Variants in TOR1A observed in about 807,000 individuals in gnomAD.
TOR1A encodes the protein torsin family 1 member A, also known as torsin-1A.
In TOR1A, 18 loss-of-function variants were observed where a neutral mutation model predicts 31.4. The ratio of observed to expected loss-of-function variants is 0.57; its 90% CI spans 0.40 to 0.85. TOR1A has a LOEUF of 0.85. Ranked by LOEUF, TOR1A falls within the 40% of genes least tolerant of loss-of-function variation. TOR1A has a pLI of 0.00. For synonymous variants in TOR1A, 168 were observed against 165.9 expected, an observed-to-expected ratio of 1.01 and a Z score of -0.10; for missense variants, 375 against 416.4, an observed-to-expected ratio of 0.90 and a Z score of 0.87.
At chr9:129,815,111 G>A (rs1192171959) in intron 4 of TOR1A, among the ~76,000 whole-genome samples, 1 of 152,216 alleles carries the variant, frequency 6.6e-6, no homozygotes, top group Non-Finnish European at 1.5e-5. Flanking sequence ...GAGCCCATGC[G>A]TGTCTTCTAC....
chr9:129,823,072 C>T (rs1188378111), intron 1 of TOR1A, among the ~76,000 whole-genome samples: 2 of 152,138 alleles, frequency 1.3e-5, no homozygotes, highest in African/African-American at 2.4e-5. Context: ...GACTCCTTCC[C>T]GAAAAGCCCC....
intron 1 of TOR1A, 32 bp from the exon 2 acceptor site, chr9:129,822,878 A>C: frequency 6.2e-7 from 1 of 1,614,054 alleles, no homozygotes; most frequent in Non-Finnish European, 8.5e-7. Context: ...AGGAGTGGGG[A>C]AGAAACAGCG....
intron 4 of TOR1A, among the ~76,000 whole-genome samples, chr9:129,816,408 G>A (rs1291788090): frequency 6.6e-6 from 1 of 152,164 alleles, no homozygotes; most frequent in Non-Finnish European, 1.5e-5. Context: ...CATGTGCGAT[G>A]TGTGCATATG....
rs766573208 is a variant in TOR1A, at chr9:129,822,660, C to T, written c.365G>A (p.Gly122Asp). The T allele has an allele frequency of 9.3e-6, 15 of 1,614,096 alleles. No individual in the cohort carries two copies. Among genetic ancestry groups the T allele is most frequent in the Non-Finnish European group, 1.3e-5 (15 of 1,180,046 alleles). The change falls in exon 2 of 5, where the codon GGT becomes GAT. Residue 122 changes from glycine to aspartate, a missense_variant. Gly to Asp is a moderately conservative substitution (Grantham distance 94). Transcript: ENST00000351698. Reference sequence around the variant, plus strand: ...GTGGACATAGTCACTGTTCAGACCACCCTCGTAAATATTCTCTGCGATGAT... The same window carrying T: ...GTGGACATAGTCACTGTTCAGACCATCCTCGTAAATATTCTCTGCGATGAT... The part of the protein sequence containing the change: ...SKIIAENIYE[G>D]GLNSDYVHLF...
intron 2 of TOR1A, among the ~76,000 whole-genome samples, chr9:129,820,047 G>A (rs1177560180): frequency 6.6e-6 from 1 of 152,044 alleles, no homozygotes; most frequent in Non-Finnish European, 1.5e-5. Flanking sequence ...TCTCACTCTG[G>A]TGACCAAACT....
Position 129,813,511 on chromosome 9 carries a change from A to C in TOR1A, c.*461T>G. The C allele has an allele frequency of 3.7e-6, 1 of 269,770 alleles. No individual in the cohort carries two copies. Among genetic ancestry groups the C allele is most frequent in the Non-Finnish European group, 7.2e-6 (1 of 138,448 alleles). The allele number at this position is 269,770 out of a possible 1,614,324, so 16.7% of individuals were successfully genotyped here. A position where few individuals can be genotyped will look rare whatever the true frequency, so the allele number is the denominator to read the frequency against. ...TGTGTGCTTGGGCTCATTTCCAGTA[A>C]AGATACATCACAGTCTATGTAATAA... is the stretch of plus-strand genomic sequence containing the variant. On this transcript the variant is annotated 3_prime_UTR_variant, in exon 5 of 5. Transcript: ENST00000351698.
rs769215500 is a variant in TOR1A, at chr9:129,822,073, C to T, written c.444+508G>A. ...CTGAGATCAGGAGTTCGAGACCAGC[C>T]TGGCCAAGTTGGCAAAACCCCATCT... On this transcript the variant is annotated intron_variant, in intron 2 of 4. Coordinates refer to ENST00000351698, the MANE Select transcript of TOR1A (RefSeq NM_000113.3). 5 of 227,216 alleles carry T rather than the reference C, an allele frequency of 2.2e-5. No homozygotes were observed. The East Asian group carries it at 6.0e-4, about 27-fold the overall frequency. 14.1% of individuals were successfully genotyped at this position (227,216 alleles called of 1,614,324 possible). A position where few individuals can be genotyped will look rare whatever the true frequency, so the allele number is the denominator to read the frequency against.
intron 4 of TOR1A, among the ~76,000 whole-genome samples, chr9:129,816,743 C>T (rs1383907913): frequency 6.6e-6 from 1 of 152,200 alleles, no homozygotes; most frequent in Non-Finnish European, 1.5e-5. Flanking sequence ...GCTCATCTGC[C>T]TCAGCATTAG....
chr9:129,823,960 G>C lies in TOR1A; in HGVS notation c.126C>G (p.Leu42=), dbSNP rs758157379. The change falls in exon 1 of 5, where the codon CTC becomes CTG. Residue 42 remains leucine (L), a synonymous_variant. Transcript: ENST00000351698. ...GVLTGYIYPR[L]YCLFAECCGQ... is the part of the protein sequence containing the mutation. The stretch of plus-strand genomic sequence containing the variant: ...CGCAGCACTCGGCGAAGAGGCAGTA[G>C]AGACGCGGGTAGATGTAGCCGGTGA... 6.2e-7 allele frequency: 1 copy of C among 1,611,290 alleles called. No homozygotes were observed.
chr9:129,823,598 C>A (rs1306392294), intron 1 of TOR1A: 2 of 434,942 alleles, frequency 4.6e-6, no homozygotes, highest in Non-Finnish European at 4.2e-6. Context: ...AGCCTCCATC[C>A]ACCATCCTCA....
At chr9:129,818,444 G>GTGAT in intron 4 of TOR1A, 76 bp downstream of exon 4, 9 of 1,600,998 alleles carry the variant, frequency 5.6e-6, no homozygotes, top group African/African-American at 1.3e-5. Flanking sequence ...GATGCTGACA[G>GTGAT]TGACCCTGAT....
intron 1 of TOR1A, 106 bp downstream of exon 1, chr9:129,823,802 C>T: frequency 7.6e-7 from 1 of 1,317,140 alleles, no homozygotes. Context: ...TGGTGCCATC[C>T]CCCGGCCTCC....
chr9:129,816,184 C>A (rs1230678104), intron 4 of TOR1A, among the ~76,000 whole-genome samples: 1 of 152,198 alleles, frequency 6.6e-6, no homozygotes, highest in South Asian at 2.1e-4. Flanking sequence ...CCCCTCGGGC[C>A]CCTGGACGTG....
rs2030972972 is a variant in TOR1A at position 129,814,191 on chromosome 9, C to G, written c.780G>C (p.Arg260=). 8 of 1,614,102 alleles carry G rather than the reference C, an allele frequency of 5.0e-6. No homozygotes were observed. Among genetic ancestry groups the G allele is most frequent in the Non-Finnish European group, 6.8e-6 (8 of 1,180,024 alleles). ...AGGGAACAAAATAATCAATGAGGTT[C>G]CGGTCAATTAAGCTGCTGTGCCAGA... ...SGFWHSSLID[R]NLIDYFVPFL... The change falls in exon 5 of 5, where the codon CGG becomes CGC. Residue 260 remains arginine (R), a synonymous_variant. Transcript: ENST00000351698.
At position 129,813,892 on chromosome 9, in the gene TOR1A, C is replaced by CT; in HGVS notation, c.*79dup. Reference sequence around the variant, plus strand: ...TGGATTCCTCTTCCAGGGAAAGGAGCTGGGGGTGGAAGTGTGGAAGGACTG... The same window carrying CT: ...TGGATTCCTCTTCCAGGGAAAGGAGCTTGGGGGTGGAAGTGTGGAAGGACTG... On this transcript the variant is annotated 3_prime_UTR_variant, in exon 5 of 5. Transcript: ENST00000351698. 6.4e-7 allele frequency: 1 copy of CT among 1,562,166 alleles called. No homozygotes were observed. The highest frequency in any genetic ancestry group is 1.1e-5 in the South Asian group (1 of 90,066).
chr9:129,818,432 G>GTGA (rs2031094680), intron 4 of TOR1A, 88 bp downstream of exon 4: 1 of 1,591,214 alleles, frequency 6.3e-7, no homozygotes, highest in Non-Finnish European at 8.6e-7. Flanking sequence ...CAGCTCCCAG[G>GTGA]TGATGCTGAC....
At chr9:129,816,348 T>C (rs1024917285) in intron 4 of TOR1A, among the ~76,000 whole-genome samples, 3 of 152,172 alleles carry the variant, frequency 2.0e-5, no homozygotes, top group Non-Finnish European at 4.4e-5. Flanking sequence ...TCTTGATTTT[T>C]TTCCCCTACT....
chr9:129,818,284 C>A (rs1201795573), intron 4 of TOR1A: 2 of 599,968 alleles, frequency 3.3e-6, no homozygotes, highest in African/African-American at 1.9e-5. Context: ...GCCTAGGTGA[C>A]AGAGTAAAAC....
intron 2 of TOR1A, chr9:129,821,951 CAT>C (rs1189507714): frequency 6.0e-6 from 1 of 166,562 alleles, no homozygotes; most frequent in African/African-American, 2.4e-5. Context: ...TAGGACTCTA[CAT>C]GTTTCCTCTT....
Sources: gnomAD v4.1 joint callset for allele counts (sites outside exome capture counted in the v4.1 genomes callset) on GRCh38, gnomAD v4.1.1 for gene constraint, MANE v1.5 for transcripts, NCBI Gene and HGNC (gene_info 2026-07-23, HGNC 2026-07-21) for gene names.